The following NUP107 variants were observed in gnomAD, a reference collection of about 807,000 sequenced individuals.
The protein encoded by NUP107 is nucleoporin 107, also known as nuclear pore complex protein Nup107.
In NUP107, 101 loss-of-function variants were observed where a neutral mutation model predicts 141.0. The observed-to-expected ratio is 0.72, with a 90% CI of 0.61 to 0.84. The LOEUF is 0.84. Ranked by LOEUF, NUP107 falls within the 40% of genes least tolerant of loss-of-function variation. The pLI is 0.00. For missense variants in NUP107, 941 were observed against 1,102.7 expected (o/e 0.85, Z 2.08); for synonymous variants, 319 against 363.9 (o/e 0.88, Z 1.41).
chr12:68,703,109 G>A (rs1876414381), intron 8 of NUP107, among the ~76,000 whole-genome samples: 1 of 152,164 alleles, frequency 6.6e-6, no homozygotes, highest in South Asian at 2.1e-4. Flanking sequence ...GCCGCCCAAA[G>A]TGGTGGGATT....
At chr12:68,696,013 A>G (rs1181129157) in intron 5 of NUP107, among the ~76,000 whole-genome samples, 1 of 151,452 alleles carries the variant, frequency 6.6e-6, no homozygotes, top group Non-Finnish European at 1.5e-5. Flanking sequence ...CTCTCTTAAA[A>G]AAAAAAAAAA....
chr12:68,715,218 A>G (rs1877046009), intron 11 of NUP107, among the ~76,000 whole-genome samples: 1 of 152,214 alleles, frequency 6.6e-6, no homozygotes, highest in Non-Finnish European at 1.5e-5. Flanking sequence ...TATTTCAGCC[A>G]GGCGCAGTGG....
In NUP107 at chr12:68,733,479, A is replaced by T. The variant is rs1877929758; in HGVS notation, c.2129A>T (p.Glu710Val). The change falls in exon 24 of 28, where the codon GAA becomes GTA. Residue 710 changes from glutamate (E) to valine (V), a missense_variant. Glu to Val is a moderately radical substitution (Grantham distance 121). Transcript: ENST00000229179. ...LASKKHEAAKEVFVKIPQDSI... is the reference protein window; with the variant it reads ...LASKKHEAAKVVFVKIPQDSI... ...TCAAAAAAGCACGAAGCTGCAAAAG[A>T]AGTATTTGTGAAAATTCCTCAGGAT... 9.9e-6 allele frequency: 16 copies of T among 1,611,308 alleles called. No individual in the cohort carries two copies. Among genetic ancestry groups the T allele is most frequent in the African/African-American group, 2.7e-5 (2 of 74,790 alleles).
chr12:68,700,275 T>A (rs1305049335), intron 6 of NUP107, among the ~76,000 whole-genome samples: 1 of 152,194 alleles, frequency 6.6e-6, no homozygotes, highest in Non-Finnish European at 1.5e-5. Context: ...GAAATGATAA[T>A]GTTTTTGGTG....
rs766342672 is a variant in NUP107, at chr12:68,732,755, A to G, written c.2101+16A>G. 1 of 1,518,308 alleles carries G rather than the reference A, an allele frequency of 6.6e-7. No individual in the cohort carries two copies. The allele number at this position is 1,518,308 out of a possible 1,614,324, so 94.1% of individuals were successfully genotyped here. A position where few individuals can be genotyped will look rare whatever the true frequency, so the allele number is the denominator to read the frequency against. On this transcript the variant is annotated intron_variant, in intron 23 of 27. Coordinates refer to ENST00000229179, the MANE Select transcript of NUP107 (RefSeq NM_020401.4). ...AAATTCTTGGGTATAGTATATTTTTATGCAGCTTCAAACTCCTGGGCTCCA... is the reference window on the plus strand; with the variant it reads ...AAATTCTTGGGTATAGTATATTTTTGTGCAGCTTCAAACTCCTGGGCTCCA...
chr12:68,687,175 C>G (rs1875536574), intron 1 of NUP107, 102 bp downstream of exon 1: 1 of 1,516,664 alleles, frequency 6.6e-7, no homozygotes, highest in Non-Finnish European at 9.1e-7. Context: ...CCAAGGAGGT[C>G]CCGGGTGCTT....
chr12:68,689,134 G>A (rs1334603572), intron 2 of NUP107, 81 bp downstream of exon 2: 2 of 1,008,528 alleles, frequency 2.0e-6, no homozygotes, highest in South Asian at 1.6e-5. Flanking sequence ...TTTTATAAGA[G>A]TATTAAATGG....
At chr12:68,695,506 A>G (rs1238086545) in intron 5 of NUP107, among the ~76,000 whole-genome samples, 1 of 152,214 alleles carries the variant, frequency 6.6e-6, no homozygotes, top group East Asian at 1.9e-4. Context: ...TAAGTGAAAT[A>G]AACCAGTCAC....
At chr12:68,727,268 T>C in intron 19 of NUP107, 83 bp from the exon 20 acceptor site, 2 of 700,904 alleles carry the variant, frequency 2.9e-6, no homozygotes, top group Non-Finnish European at 5.0e-6. Context: ...TATTAAATTA[T>C]TTAATAATGG....
At chr12:68,694,559 A>G (rs1875958520) in intron 5 of NUP107, among the ~76,000 whole-genome samples, 1 of 152,222 alleles carries the variant, frequency 6.6e-6, no homozygotes, top group Non-Finnish European at 1.5e-5. Context: ...AAAAACTGCT[A>G]CAACTCAACA....
At chr12:68,691,291 C>T (rs1427861935) in intron 4 of NUP107, among the ~76,000 whole-genome samples, 1 of 152,108 alleles carries the variant, frequency 6.6e-6, no homozygotes, top group Non-Finnish European at 1.5e-5. Context: ...AGAAGAAGTA[C>T]ATGCTGTGGT....
Position 68,741,862 on chromosome 12 carries a change from A to G in NUP107, c.2552A>G (p.Lys851Arg). The stretch of plus-strand genomic sequence containing the variant: ...ACACATCAAATGGTCTTACTGAGAA[A>G]GCTTTGTCTGCCAATGTTGTGTTTT... ...ERTHQMVLLR[K>R]LCLPMLCFLL... The change falls in exon 27 of 28, where the codon AAG becomes AGG. Residue 851 changes from lysine (K) to arginine (R), a missense_variant. Physicochemically the swap from Lys to Arg is conservative, Grantham distance 26. Coordinates refer to ENST00000229179, the MANE Select transcript of NUP107 (RefSeq NM_020401.4). 6.2e-7 allele frequency: 1 copy of G among 1,614,084 alleles called. No individual in the cohort carries two copies.
chr12:68,720,698 T>G (rs945342496), intron 14 of NUP107, among the ~76,000 whole-genome samples: 1 of 152,166 alleles, frequency 6.6e-6, no homozygotes, highest in Non-Finnish European at 1.5e-5. Context: ...TATGTAGGAA[T>G]TAAATGCAAA....
intron 11 of NUP107, chr12:68,714,060 GT>G: frequency 2.5e-6 from 1 of 396,920 alleles, no homozygotes; most frequent in Non-Finnish European, 4.4e-6. Flanking sequence ...ATTAATTTTG[GT>G]CTTATCTTAA....
intron 17 of NUP107, among the ~76,000 whole-genome samples, chr12:68,724,004 G>C (rs1877456759): frequency 6.6e-6 from 1 of 151,996 alleles, no homozygotes. Flanking sequence ...AGAAAATTAA[G>C]GAACAGATAT....
chr12:68,723,673 A>G (rs1877443993), intron 17 of NUP107, among the ~76,000 whole-genome samples: 1 of 152,198 alleles, frequency 6.6e-6, no homozygotes. Flanking sequence ...TCCACAAGTA[A>G]TTTATTGAAT....
chr12:68,703,591 C>T (rs1371599716), intron 8 of NUP107, among the ~76,000 whole-genome samples: 1 of 152,000 alleles, frequency 6.6e-6, no homozygotes, highest in African/African-American at 2.4e-5. Flanking sequence ...GCTGGGACTA[C>T]AGGCTTGTGC....
Position 68,706,414 on chromosome 12 carries a change from C to A in NUP107, c.730-2824C>A. ...GCTCCCTGGACATGAACAGCATCAT[C>A]GCTGAGGTCAAGGCACCGTACGAGG... On this transcript the variant is annotated intron_variant, in intron 8 of 27. Transcript: ENST00000229179. 3.2e-6 allele frequency: 3 copies of A among 933,854 alleles called. No individual in the cohort carries two copies. The South Asian group carries it at 4.0e-5, about 13-fold the overall frequency. The allele number at this position is 933,854 out of a possible 1,614,324, so 57.8% of individuals were successfully genotyped here. A position where few individuals can be genotyped will look rare whatever the true frequency, so the allele number is the denominator to read the frequency against.
chr12:68,711,643 G>A (rs1876864846), intron 10 of NUP107, among the ~76,000 whole-genome samples: 1 of 152,088 alleles, frequency 6.6e-6, no homozygotes, highest in African/African-American at 2.4e-5. Context: ...ATGAAATAAA[G>A]GCAGCCAGCC....
Sources: gnomAD v4.1 joint callset for allele counts (sites outside exome capture counted in the v4.1 genomes callset) on GRCh38, gnomAD v4.1.1 for gene constraint, MANE v1.5 for transcripts, NCBI Gene and HGNC (gene_info 2026-07-23, HGNC 2026-07-21) for gene names.